PXK: variants seen among roughly 807,000 people sequenced by gnomAD.
The protein encoded by PXK is PX domain-containing protein kinase-like protein.
In PXK, 35 loss-of-function variants were observed where a neutral mutation model predicts 84.7. The ratio of observed to expected loss-of-function variants is 0.41; its 90% CI spans 0.32 to 0.55. The LOEUF is 0.55. Ranked by LOEUF, PXK falls within the 20% of genes least tolerant of loss-of-function variation. The pLI is 0.21. For synonymous variants in PXK, 253 were observed against 260.8 expected (o/e 0.97, Z 0.29); for missense variants, 634 against 699.7 (o/e 0.91, Z 1.06).
In PXK at chr3:58,421,751, A is replaced by C. The variant is rs556958498; in HGVS notation, c.1529-3001A>C. 16 of 985,256 alleles carry C rather than the reference A, an allele frequency of 1.6e-5. No individual in the cohort carries two copies. In the African/African-American group the frequency reaches 2.8e-4, roughly 17 times the overall value. The allele number at this position is 985,256 out of a possible 1,614,324, so 61.0% of individuals were successfully genotyped here. ...GCCAGGTTCCCGTGTGGTTTGGTGG[A>C]GAAGATTTTGGGGTGGGTAGAGTAA... On this transcript the variant is annotated intron_variant, in intron 17 of 17. Coordinates refer to ENST00000356151, the MANE Select transcript of PXK (RefSeq NM_017771.5). This position sits in a 1 kb window ranked among gnomAD's most constrained non-coding sequence, Gnocchi z 5.5.
At position 58,337,330 on chromosome 3, in the gene PXK, C is replaced by T. The variant is rs959106935; in HGVS notation, c.102+4240C>T. 3.3e-5 allele frequency among the ~76,000 whole-genome samples: 5 copies of T among 152,318 alleles called. No individual in the cohort carries two copies. The South Asian group carries it at 1.0e-3, about 32-fold the overall frequency. ...ACTTTTGATATTTGGAAACTGCATT[C>T]CTGCATGGCTTATTTATTCAGCTAT... On this transcript the variant is annotated intron_variant, in intron 1 of 17. Coordinates refer to ENST00000356151, the MANE Select transcript of PXK (RefSeq NM_017771.5).
Position 58,333,569 on chromosome 3 carries a change from C to T in PXK, c.102+479C>T, listed in dbSNP as rs770639731. 4.4e-6 allele frequency: 2 copies of T among 456,600 alleles called. No homozygotes were observed. The highest frequency in any genetic ancestry group is 2.0e-5 in the African/African-American group (1 of 50,064). 28.3% of individuals were successfully genotyped at this position (456,600 alleles called of 1,614,324 possible). On this transcript the variant is annotated intron_variant, in intron 1 of 17. Coordinates refer to ENST00000356151, the MANE Select transcript of PXK (RefSeq NM_017771.5). This position sits in a 1 kb window ranked among gnomAD's most constrained non-coding sequence, Gnocchi z 5.4. ...GGCCAAATGAAGTGTGACTCCAGAG[C>T]CTACTTGTTGGGACAGCAGAGTGTA... is the stretch of plus-strand genomic sequence containing the variant.
At chr3:58,387,833 G>A (rs1286006186) in intron 4 of PXK, among the ~76,000 whole-genome samples, 4 of 151,978 alleles carry the variant, frequency 2.6e-5, no homozygotes, top group African/African-American at 9.7e-5. Flanking sequence ...CCTGGCTAAT[G>A]GAGCAGAACA....
In PXK at chr3:58,421,587, A is replaced by C. The variant is rs2061868890; in HGVS notation, c.1529-3165A>C. 1.0e-6 allele frequency: 1 copy of C among 988,048 alleles called. No individual in the cohort carries two copies. Among genetic ancestry groups the C allele is most frequent in the Middle Eastern group, 2.8e-4 (1 of 3,548 alleles). The allele number at this position is 988,048 out of a possible 1,614,324, so 61.2% of individuals were successfully genotyped here. ...AGAGCGAGACTCCATCTCAGAAAAA[A>C]AGGAACTGGAGGGAGGGACCCTCAG... On this transcript the variant is annotated intron_variant, in intron 17 of 17. Transcript: ENST00000356151. This position sits in a 1 kb window ranked among gnomAD's most constrained non-coding sequence, Gnocchi z 5.5.
At chr3:58,371,015 A>C (rs946196442) in intron 3 of PXK, among the ~76,000 whole-genome samples, 5 of 152,162 alleles carry the variant, frequency 3.3e-5, no homozygotes, top group Admixed American at 2.6e-4. Context: ...ACAAACAAAC[A>C]AAAAAGGAAA....
intron 3 of PXK, among the ~76,000 whole-genome samples, chr3:58,371,944 C>A (rs1292605197): frequency 6.6e-6 from 1 of 152,066 alleles, no homozygotes; most frequent in Admixed American, 6.6e-5. Context: ...AAGACTCAAA[C>A]CTCAGAATAA....
rs1560108593 is a variant in PXK, at chr3:58,409,072, C to T, written c.1308+71C>T. 1 of 1,127,956 alleles carries T rather than the reference C, an allele frequency of 8.9e-7. No homozygotes were observed. Among genetic ancestry groups the T allele is most frequent in the Non-Finnish European group, 1.3e-6 (1 of 758,906 alleles). The allele number at this position is 1,127,956 out of a possible 1,614,324, so 69.9% of individuals were successfully genotyped here. On this transcript the variant is annotated intron_variant, in intron 14 of 17. Transcript: ENST00000356151. This position sits in a 1 kb window ranked among gnomAD's most constrained non-coding sequence, Gnocchi z 4.2. ...CTGCCGTGGTTTTTATAGTGATTGA[C>T]CTTTGACTGTTCCCTCTGCAAATAT...
chr3:58,355,415 G>T (rs1299701825), intron 1 of PXK, among the ~76,000 whole-genome samples: 1 of 152,224 alleles, frequency 6.6e-6, no homozygotes, highest in Admixed American at 6.5e-5. Flanking sequence ...AATTACGTGG[G>T]CTAGGCTGGT....
At chr3:58,381,979 C>A (rs1184553197) in intron 3 of PXK, among the ~76,000 whole-genome samples, 1 of 151,978 alleles carries the variant, frequency 6.6e-6, no homozygotes, top group Non-Finnish European at 1.5e-5. Context: ...TTTTATGTAA[C>A]TTTAGTAAAA....
At chr3:58,380,261 A>T (rs1251345784) in intron 3 of PXK, among the ~76,000 whole-genome samples, 1 of 151,126 alleles carries the variant, frequency 6.6e-6, no homozygotes, top group African/African-American at 2.4e-5. Flanking sequence ...CAACAACAAA[A>T]AATGGATCAA....
At position 58,360,452 on chromosome 3, in the gene PXK, AG is replaced by A. The variant is rs532968838; in HGVS notation, c.103-5420del. 7.9e-5 allele frequency among the ~76,000 whole-genome samples: 12 copies of A among 152,378 alleles called. No homozygotes were observed. In the East Asian group the frequency reaches 1.5e-3, roughly 20 times the overall value. ...AATCAGTGGAATCAATTCAGTAGAA[AG>A]GATTTGTTGAGTAGTGACCGTGAGT... On this transcript the variant is annotated intron_variant, in intron 1 of 17. Transcript: ENST00000356151.
chr3:58,336,710 A>G (rs903222326), intron 1 of PXK, among the ~76,000 whole-genome samples: 1 of 152,188 alleles, frequency 6.6e-6, no homozygotes, highest in African/African-American at 2.4e-5. Context: ...TGAAATAGAA[A>G]CCAGAGGAAA....
intron 1 of PXK, among the ~76,000 whole-genome samples, chr3:58,336,071 A>ATATATATATATATATATATTT (rs1284780630): frequency 1.9e-5 from 1 of 51,568 alleles, no homozygotes. Flanking sequence ...ATATATATAT[A>ATATATATATATATATATATTT]TTTTTTTTTT....
chr3:58,387,015 T>C (rs1366048669), intron 4 of PXK, among the ~76,000 whole-genome samples: 1 of 152,208 alleles, frequency 6.6e-6, no homozygotes, highest in Non-Finnish European at 1.5e-5. Flanking sequence ...CAATCTGCTG[T>C]GGTGGACTAG....
intron 4 of PXK, among the ~76,000 whole-genome samples, chr3:58,384,778 A>G (rs1206878246): frequency 6.6e-6 from 1 of 152,138 alleles, no homozygotes; most frequent in East Asian, 1.9e-4. Flanking sequence ...TTATTCAACA[A>G]ATGTGATGTG....
At chr3:58,357,687 A>G (rs1349448136) in intron 1 of PXK, among the ~76,000 whole-genome samples, 1 of 152,150 alleles carries the variant, frequency 6.6e-6, no homozygotes, top group East Asian at 1.9e-4. Flanking sequence ...GCTGACACCT[A>G]TATGTAATCC....
Position 58,395,000 on chromosome 3 carries a change from C to T in PXK, c.618C>T (p.His206=), listed in dbSNP as rs2057409576. The T allele has an allele frequency of 6.8e-6, 11 of 1,609,858 alleles. No individual in the cohort carries two copies. Among genetic ancestry groups the T allele is most frequent in the Non-Finnish European group, 7.7e-6 (9 of 1,176,374 alleles). The change falls in exon 8 of 18, where the codon CAC becomes CAT. Residue 206 remains histidine, a splice_region_variant and synonymous_variant. Coordinates refer to ENST00000356151, the MANE Select transcript of PXK (RefSeq NM_017771.5). ...GAATTTCTTTTTTGTTTTGACAGCA[C>T]CCTTACATCTATCGGGTTACCTTTG... is the stretch of plus-strand genomic sequence containing the variant. ...CLIKLLPSCL[H]PYIYRVTFAT...
rs952999058 is a variant in PXK at position 58,412,299 on chromosome 3, G to C, written c.1466-602G>C. 1.3e-5 allele frequency among the ~76,000 whole-genome samples: 2 copies of C among 152,078 alleles called. No individual in the cohort carries two copies. Among genetic ancestry groups the C allele is most frequent in the Non-Finnish European group, 2.9e-5 (2 of 68,020 alleles). On this transcript the variant is annotated intron_variant, in intron 16 of 17. Transcript: ENST00000356151. This position sits in a 1 kb window ranked among gnomAD's most constrained non-coding sequence, Gnocchi z 6.2. ...TATTTGAAATATAATAAGGTTACTAGATCCAGAAAAAGCATGCAACAGGTG... is the reference window on the plus strand; with the variant it reads ...TATTTGAAATATAATAAGGTTACTACATCCAGAAAAAGCATGCAACAGGTG...
chr3:58,340,412 C>T (rs144983545), intron 1 of PXK, among the ~76,000 whole-genome samples: 7 of 151,028 alleles, frequency 4.6e-5, no homozygotes, highest in Middle Eastern at 3.4e-3. Context: ...TGTGAGCCAC[C>T]GCACCAAGCC....
Sources: allele counts gnomAD v4.1 joint callset (sites outside exome capture counted in the v4.1 genomes callset), GRCh38; gene constraint gnomAD v4.1.1; non-coding constraint Gnocchi (gnomAD v3.1); transcripts MANE v1.5; gene names NCBI Gene and HGNC (gene_info 2026-07-23, HGNC 2026-07-21).